Variants in TBC1D10A observed in about 807,000 individuals in gnomAD.
TBC1D10A encodes TBC1 domain family member 10A, also known as EBP50-PDX interactor of 64 kDa.
A neutral mutation model predicts 52.9 loss-of-function variants in TBC1D10A; 24 were observed. The observed-to-expected ratio is 0.45, with a 90% confidence interval of 0.33 to 0.64. TBC1D10A has a LOEUF of 0.64. Ranked by LOEUF, TBC1D10A falls within the 30% of genes least tolerant of loss-of-function variation. The pLI is 0.02. For synonymous variants in TBC1D10A, 278 were observed against 282.9 expected, an observed-to-expected ratio of 0.98 and a Z score of 0.17; for missense variants, 602 against 687.9, an observed-to-expected ratio of 0.88 and a Z score of 1.40.
chr22:30,304,217 T>G (rs147231058), intron 2 of TBC1D10A, among the ~76,000 whole-genome samples: 4 of 152,200 alleles, frequency 2.6e-5, no homozygotes, highest in African/African-American at 7.2e-5. Flanking sequence ...TCCTCCTTGA[T>G]AGTTGGTAAG....
chr22:30,312,680 C>G (rs1458116219), intron 1 of TBC1D10A, among the ~76,000 whole-genome samples: 3 of 152,284 alleles, frequency 2.0e-5, no homozygotes, highest in African/African-American at 7.2e-5. Flanking sequence ...CTCTATAGGC[C>G]CCTACCCCTG....
At position 30,294,931 on chromosome 22, in the gene TBC1D10A, CT is replaced by C. The variant is rs1478585562; in HGVS notation, c.639+9del. 6.2e-7 allele frequency: 1 copy of C among 1,614,038 alleles called. No individual in the cohort carries two copies. The highest frequency in any genetic ancestry group is 8.5e-7 in the Non-Finnish European group (1 of 1,180,018). On this transcript the variant is annotated intron_variant, in intron 5 of 8. Transcript: ENST00000215790. ...ACCCACCCCCCTGCCTGCCCGGGGC[CT>C]GGTGGTACCTCAGCAGGCATATGCA...
In TBC1D10A at chr22:30,316,717, G is replaced by A. The variant is rs538846074; in HGVS notation, c.209+9956C>T. On this transcript the variant is annotated intron_variant, in intron 1 of 8. Coordinates refer to ENST00000215790, the MANE Select transcript of TBC1D10A (RefSeq NM_031937.3). ...CACGGTCAGTCTCAGGATGTCAGATGTAGCTGTCTTCAACACCATCCCACT... is the reference window on the plus strand; with the variant it reads ...CACGGTCAGTCTCAGGATGTCAGATATAGCTGTCTTCAACACCATCCCACT... 5.3e-5 allele frequency among the ~76,000 whole-genome samples: 8 copies of A among 152,260 alleles called. No individual in the cohort carries two copies. The East Asian group carries it at 1.5e-3, about 29-fold the overall frequency.
chr22:30,304,754 A>G (rs1376935906), intron 1 of TBC1D10A, 124 bp from the exon 2 acceptor site: 4 of 1,457,022 alleles, frequency 2.7e-6, no homozygotes, highest in African/African-American at 1.4e-5. Context: ...TGTTCCCTTC[A>G]GGACTGCTAC....
chr22:30,294,183 C>T lies in TBC1D10A; in HGVS notation c.706-73G>A, dbSNP rs1233198183. The stretch of plus-strand genomic sequence containing the variant: ...CCAGGGCAGAGACTACACCCCAGCA[C>T]CCAGCACCCAGCACCCAGCAGGCTC... On this transcript the variant is annotated intron_variant, in intron 6 of 8. Transcript: ENST00000215790. 1.4e-5 allele frequency: 21 copies of T among 1,485,384 alleles called. No individual in the cohort carries two copies. The East Asian group carries it at 4.2e-4, about 30-fold the overall frequency. 92.0% of individuals were successfully genotyped at this position (1,485,384 alleles called of 1,614,324 possible). A position where few individuals can be genotyped will look rare whatever the true frequency, so the allele number is the denominator to read the frequency against.
chr22:30,302,676 C>T (rs983236875), intron 2 of TBC1D10A, among the ~76,000 whole-genome samples: 5 of 152,210 alleles, frequency 3.3e-5, no homozygotes, highest in Admixed American at 6.5e-5. Context: ...CCTCTGGGCA[C>T]GGTGGATTGA....
intron 4 of TBC1D10A, 128 bp from the exon 5 acceptor site, chr22:30,295,183 G>T: frequency 1.1e-6 from 1 of 885,366 alleles, no homozygotes; most frequent in Non-Finnish European, 1.8e-6. Flanking sequence ...TGATCTGCTT[G>T]TGGTCACCAA....
At chr22:30,308,284 A>ATGCCTGAATGCCTGCC (rs1930351121) in intron 1 of TBC1D10A, among the ~76,000 whole-genome samples, 1 of 119,662 alleles carries the variant, frequency 8.4e-6, no homozygotes, top group Non-Finnish European at 1.8e-5. Context: ...CACAGCCTGC[A>ATGCCTGAATGCCTGCC]TGCCTGCATG....
intron 2 of TBC1D10A, among the ~76,000 whole-genome samples, chr22:30,304,130 G>A (rs1361225549): frequency 6.6e-6 from 1 of 152,194 alleles, no homozygotes; most frequent in Non-Finnish European, 1.5e-5. Context: ...CTAGGGTGCT[G>A]TAAGGAATTA....
rs764104707 is a variant in TBC1D10A, at chr22:30,326,895, G to A, written c.-14C>T. On this transcript the variant is annotated 5_prime_UTR_variant, in exon 1 of 9. Transcript: ENST00000215790. ...GCTCTTCGCCATCCCAGCCGCGCCCGCCGCCTGAGCTCCAGCGGCCACCTC... is the reference window on the plus strand; with the variant it reads ...GCTCTTCGCCATCCCAGCCGCGCCCACCGCCTGAGCTCCAGCGGCCACCTC... The A allele has an allele frequency of 2.4e-5, 35 of 1,464,614 alleles. No individual in the cohort carries two copies. Among genetic ancestry groups the A allele is most frequent in the South Asian group, 3.9e-5 (3 of 76,618 alleles). 90.7% of individuals were successfully genotyped at this position (1,464,614 alleles called of 1,614,324 possible). A position where few individuals can be genotyped will look rare whatever the true frequency, so the allele number is the denominator to read the frequency against.
At chr22:30,300,765 C>T (rs1930186505) in intron 2 of TBC1D10A, 1 of 152,210 alleles carries the variant, frequency 6.6e-6, no homozygotes, top group South Asian at 2.1e-4. Flanking sequence ...CTCGTTGACC[C>T]TGAGCTCCCA....
At chr22:30,310,833 C>T (rs1034906721) in intron 1 of TBC1D10A, among the ~76,000 whole-genome samples, 3 of 152,140 alleles carry the variant, frequency 2.0e-5, no homozygotes, top group African/African-American at 7.2e-5. Flanking sequence ...ATATAAAGTC[C>T]CCCGCTCATA....
chr22:30,326,483 C>G (rs922717767), intron 1 of TBC1D10A, among the ~76,000 whole-genome samples, 190 bp downstream of exon 1: 1 of 111,674 alleles, frequency 9.0e-6, no homozygotes, highest in Non-Finnish European at 1.8e-5. Context: ...CCCCCTGGGT[C>G]GGAAGTAGGA....
In TBC1D10A at chr22:30,292,667, A is replaced by G; in HGVS notation, c.1235T>C (p.Leu412Pro). ...PALQPSPSIR[L>P]PLDAPLPGSK... ...GCCAGGGAGGGGGGCATCTAGGGGCAGGCGGATGGATGGTGAAGGTTGTAG... is the reference window on the plus strand; with the variant it reads ...GCCAGGGAGGGGGGCATCTAGGGGCGGGCGGATGGATGGTGAAGGTTGTAG... Residue 412 changes from leucine to proline, a missense_variant, in exon 9 of 9, where the codon CTG (leucine) becomes CCG (proline). By Grantham distance (98) the Leu-to-Pro change is moderately conservative (BLOSUM62 -3). Coordinates refer to ENST00000215790, the MANE Select transcript of TBC1D10A (RefSeq NM_031937.3). The G allele has an allele frequency of 6.2e-7, 1 of 1,609,768 alleles. No individual in the cohort carries two copies. The highest frequency in any genetic ancestry group is 8.5e-7 in the Non-Finnish European group (1 of 1,177,828).
At chr22:30,322,671 G>A (rs1298607332) in intron 1 of TBC1D10A, among the ~76,000 whole-genome samples, 1 of 134,638 alleles carries the variant, frequency 7.4e-6, no homozygotes, top group African/African-American at 2.8e-5. Context: ...TTCAGCTCAC[G>A]GTAACCTCCA....
At chr22:30,303,430 C>G (rs541584936) in intron 2 of TBC1D10A, among the ~76,000 whole-genome samples, 2 of 152,312 alleles carry the variant, frequency 1.3e-5, no homozygotes, top group Admixed American at 6.5e-5. Context: ...TCACCATCTA[C>G]GATACAGTCT....
intron 3 of TBC1D10A, chr22:30,296,677 G>A (rs1424260036): frequency 6.6e-6 from 1 of 152,114 alleles, no homozygotes; most frequent in Non-Finnish European, 1.5e-5. Context: ...TCTTTTCTTG[G>A]TCATTTGAAA....
At chr22:30,323,675 T>C (rs1237313886) in intron 1 of TBC1D10A, among the ~76,000 whole-genome samples, 2 of 151,936 alleles carry the variant, frequency 1.3e-5, no homozygotes, top group Admixed American at 6.6e-5. Flanking sequence ...TCTATTAAGA[T>C]CCCTTACAGG....
At chr22:30,310,844 C>T (rs886511151) in intron 1 of TBC1D10A, among the ~76,000 whole-genome samples, 1 of 152,206 alleles carries the variant, frequency 6.6e-6, no homozygotes, top group African/African-American at 2.4e-5. Context: ...CCCGCTCATA[C>T]CATGGCTTCA....
Sources: gnomAD v4.1 joint callset for allele counts (sites outside exome capture counted in the v4.1 genomes callset) on GRCh38, gnomAD v4.1.1 for gene constraint, MANE v1.5 for transcripts, NCBI Gene and HGNC (gene_info 2026-07-23, HGNC 2026-07-21) for gene names.